Variants in MGAT4C observed in about 807,000 individuals in gnomAD.
MGAT4C encodes the protein alpha-1,3-mannosyl-glycoprotein 4-beta-N-acetylglucosaminyltransferase C.
Under a neutral mutation model 40.1 loss-of-function variants are expected in MGAT4C, and 19 were observed. The observed-to-expected ratio is 0.47, with a 90% CI of 0.33 to 0.70. MGAT4C has a LOEUF of 0.70. Ranked by LOEUF, MGAT4C falls within the 30% of genes least tolerant of loss-of-function variation. The probability of loss-of-function intolerance (pLI) is 0.02; values close to 1 mark genes in which losing one functional copy is unlikely to be tolerated. For missense variants in MGAT4C, 491 were observed against 563.2 expected, an observed-to-expected ratio of 0.87 and a Z score of 1.30; for synonymous variants, 181 against 187.1, an observed-to-expected ratio of 0.97 and a Z score of 0.27.
At chr12:86,702,775 C>T (rs1397653844) in intron 2 of MGAT4C, among the ~76,000 whole-genome samples, 1 of 152,146 alleles carries the variant, frequency 6.6e-6, no homozygotes. Flanking sequence ...TATTTTCATG[C>T]CTGCTGACAC....
At chr12:86,812,807 G>A (rs1010220596) in intron 1 of MGAT4C, among the ~76,000 whole-genome samples, 1 of 151,984 alleles carries the variant, frequency 6.6e-6, no homozygotes, top group Non-Finnish European at 1.5e-5. Flanking sequence ...AACCTTTACT[G>A]GGCTATCCCA....
At chr12:86,254,523 T>C (rs975038857) in intron 1 of MGAT4C, among the ~76,000 whole-genome samples, 7 of 152,072 alleles carry the variant, frequency 4.6e-5, no homozygotes, top group Non-Finnish European at 8.8e-5. Flanking sequence ...AGACAAATGC[T>C]TTTCCCTTAG....
intron 1 of MGAT4C, among the ~76,000 whole-genome samples, chr12:86,776,052 A>G (rs1157885348): frequency 6.6e-6 from 1 of 152,066 alleles, no homozygotes; most frequent in Non-Finnish European, 1.5e-5. Context: ...TATTTTATAA[A>G]TACCTGAACT....
chr12:86,466,294 A>G (rs930305486), intron 2 of MGAT4C, among the ~76,000 whole-genome samples: 3 of 152,132 alleles, frequency 2.0e-5, no homozygotes, highest in Non-Finnish European at 2.9e-5. Flanking sequence ...AACTAAGATG[A>G]CCTTCAGTAG....
chr12:86,168,366 T>C (rs1457457479), intron 1 of MGAT4C, among the ~76,000 whole-genome samples: 2 of 152,186 alleles, frequency 1.3e-5, no homozygotes, highest in Non-Finnish European at 2.9e-5. Flanking sequence ...TCCAATATGA[T>C]GTACAGCATC....
chr12:86,579,926 C>T (rs536375737), intron 2 of MGAT4C, among the ~76,000 whole-genome samples: 98 of 151,502 alleles, frequency 6.5e-4, no homozygotes, highest in Non-Finnish European at 1.2e-3. Context: ...GTATTGAAGC[C>T]CCATTATCTG....
At chr12:86,232,014 C>T (rs553039757) in intron 1 of MGAT4C, among the ~76,000 whole-genome samples, 8 of 152,070 alleles carry the variant, frequency 5.3e-5, no homozygotes, top group African/African-American at 1.2e-4. Context: ...TGGTGGCAAG[C>T]GCCTGGAATC....
chr12:86,405,406 T>G (rs975735135), intron 3 of MGAT4C, among the ~76,000 whole-genome samples: 1 of 151,906 alleles, frequency 6.6e-6, no homozygotes, highest in Non-Finnish European at 1.5e-5. Flanking sequence ...TAAAAAATAC[T>G]TAGGAGTACG....
chr12:86,410,302 C>T (rs1234434264), intron 3 of MGAT4C, among the ~76,000 whole-genome samples: 1 of 152,152 alleles, frequency 6.6e-6, no homozygotes, highest in Non-Finnish European at 1.5e-5. Context: ...CAGTTCTTAT[C>T]TCAACCGCAT....
chr12:86,456,049 T>C (rs1235840543), intron 2 of MGAT4C, among the ~76,000 whole-genome samples: 1 of 152,106 alleles, frequency 6.6e-6, no homozygotes, highest in Non-Finnish European at 1.5e-5. Flanking sequence ...ACGATTAGCA[T>C]GAGAAAGTGT....
intron 2 of MGAT4C, among the ~76,000 whole-genome samples, chr12:86,627,443 C>A (rs1962853420): frequency 6.6e-6 from 1 of 152,038 alleles, no homozygotes; most frequent in Non-Finnish European, 1.5e-5. Flanking sequence ...CCCCGTGTAG[C>A]CTAACTTGGA....
chr12:86,698,680 G>GC (rs140246859), intron 2 of MGAT4C, among the ~76,000 whole-genome samples: 4,749 of 151,500 alleles, frequency 0.031, 123 homozygotes, highest in African/African-American at 0.075. Flanking sequence ...CTGAGCTGTG[G>GC]GGGGGGTGGG....
chr12:86,596,360 G>T (rs1270199617), intron 2 of MGAT4C, among the ~76,000 whole-genome samples: 1 of 152,180 alleles, frequency 6.6e-6, no homozygotes, highest in South Asian at 2.1e-4. Flanking sequence ...GAAACACAGG[G>T]CCAGAAATTA....
intron 1 of MGAT4C, among the ~76,000 whole-genome samples, chr12:86,109,922 C>T (rs1215615745): frequency 6.6e-6 from 1 of 151,294 alleles, no homozygotes; most frequent in Admixed American, 6.6e-5. Flanking sequence ...TCTAAATGAG[C>T]CTAGGATGAA....
chr12:86,709,193 T>C (rs1040318257), intron 2 of MGAT4C, among the ~76,000 whole-genome samples: 2 of 152,114 alleles, frequency 1.3e-5, no homozygotes, highest in Non-Finnish European at 2.9e-5. Flanking sequence ...CTGATGGTTT[T>C]ATAAGGGAAG....
chr12:86,002,306 T>G (rs1385914635), intron 2 of MGAT4C: 1 of 152,218 alleles, frequency 6.6e-6, no homozygotes, highest in Non-Finnish European at 1.5e-5. Flanking sequence ...AGGTGCTTGA[T>G]GTTCTTTCAG....
intron 1 of MGAT4C, among the ~76,000 whole-genome samples, chr12:86,764,378 A>T (rs1246186443): frequency 6.6e-6 from 1 of 152,166 alleles, no homozygotes; most frequent in Non-Finnish European, 1.5e-5. Flanking sequence ...AACTGGGTGG[A>T]GCCCACCACA....
rs1592634824 is a variant in MGAT4C at position 86,276,934 on chromosome 12, T to C, written c.-57+57131A>G. ...TCTTAAATATACTGATTTCCTTTCTTTTGGGTGCATACCCAGCAGTAGCAT... is the reference window on the plus strand; with the variant it reads ...TCTTAAATATACTGATTTCCTTTCTCTTGGGTGCATACCCAGCAGTAGCAT... On this transcript the variant is annotated intron_variant, in intron 4 of 7. Transcript: ENST00000548651. 4.6e-5 allele frequency among the ~76,000 whole-genome samples: 7 copies of C among 152,350 alleles called. 2 individuals are homozygous for C. Among genetic ancestry groups the C allele is most frequent in the Admixed American group, 4.6e-4 (7 of 15,306 alleles).
chr12:86,302,440 G>A (rs955722780), intron 4 of MGAT4C, among the ~76,000 whole-genome samples: 1 of 150,176 alleles, frequency 6.7e-6, no homozygotes, highest in Non-Finnish European at 1.5e-5. Context: ...GGTTTGGTTT[G>A]GTTTTCGAGA....
Sources: allele counts gnomAD v4.1 joint callset (sites outside exome capture counted in the v4.1 genomes callset), GRCh38; gene constraint gnomAD v4.1.1; transcripts MANE v1.5; gene names NCBI Gene and HGNC (gene_info 2026-07-23, HGNC 2026-07-21).